SHB: variants seen among roughly 807,000 people sequenced by gnomAD.
SHB encodes the protein SH2 domain containing adaptor protein B.
In SHB, 20 loss-of-function variants were observed where a neutral mutation model predicts 52.3. That is an observed-to-expected ratio of 0.38 (90% CI 0.27 to 0.56). SHB has a LOEUF of 0.56. Among genes scored for constraint, SHB ranks in the 20% least tolerant of loss-of-function variants. SHB has a pLI of 0.71. For synonymous variants in SHB, 397 were observed against 316.5 expected, an observed-to-expected ratio of 1.25 and a Z score of -2.70; for missense variants, 825 against 723.3, an observed-to-expected ratio of 1.14 and a Z score of -1.61.
intron 5 of SHB, among the ~76,000 whole-genome samples, chr9:37,930,419 C>T (rs1832299649): frequency 6.6e-6 from 1 of 151,410 alleles, no homozygotes. Context: ...GGGGATGTGG[C>T]AGGGGGAGGG....
In SHB at chr9:38,068,601, C is replaced by T; in HGVS notation, c.45G>A (p.Lys15=). The T allele has an allele frequency of 1.3e-6, 2 of 1,494,118 alleles. No homozygotes were observed. Among genetic ancestry groups the T allele is most frequent in the African/African-American group, 1.5e-5 (1 of 68,320 alleles). 92.6% of individuals were successfully genotyped at this position (1,494,118 alleles called of 1,614,324 possible). Residue 15 remains lysine, a synonymous_variant, in exon 1 of 6, where the codon AAG becomes AAA. Transcript: ENST00000377707. ...LNKYFSLGNS[K]TKSPPQPPRP... ...GCGGCGGCTGCGGGGGGCTCTTGGT[C>T]TTGCTGTTGCCCAAGCTGAAGTACT...
intron 2 of SHB, among the ~76,000 whole-genome samples, chr9:37,996,300 C>T (rs994767241): frequency 1.3e-5 from 2 of 152,320 alleles, no homozygotes; most frequent in South Asian, 4.1e-4. Context: ...TCCTGTTTCT[C>T]GCCTGGATCA....
At chr9:37,955,827 G>A in intron 4 of SHB, 56 bp downstream of exon 4, 2 of 1,535,582 alleles carry the variant, frequency 1.3e-6, no homozygotes, top group Non-Finnish European at 1.8e-6. Flanking sequence ...ATGAAAGAGA[G>A]GGCAAAAACT....
At chr9:37,944,467 T>C (rs1328873595) in intron 5 of SHB, among the ~76,000 whole-genome samples, 2 of 152,144 alleles carry the variant, frequency 1.3e-5, no homozygotes, top group South Asian at 2.1e-4. Flanking sequence ...CAAACACTTC[T>C]AGGTCTGACG....
Position 37,975,480 on chromosome 9 carries a change from A to C in SHB, c.839-643T>G, listed in dbSNP as rs374184856. Among the ~76,000 whole-genome samples the C allele has an allele frequency of 9.8e-5, 15 of 152,334 alleles. No individual in the cohort carries two copies. In the South Asian group the frequency reaches 1.0e-3, roughly 11 times the overall value. Reference sequence around the variant, plus strand: ...TGTCCAGCTTCACTTCTGAATAAAGAAAGCAAGCTCTTGATCTTCTAGAGA... The same window carrying C: ...TGTCCAGCTTCACTTCTGAATAAAGCAAGCAAGCTCTTGATCTTCTAGAGA... On this transcript the variant is annotated intron_variant, in intron 2 of 5. Coordinates refer to ENST00000377707, the MANE Select transcript of SHB (RefSeq NM_003028.3).
At position 38,038,783 on chromosome 9, in the gene SHB, G is replaced by A. The variant is rs78491074; in HGVS notation, c.718-22652C>T. 1.3e-3 allele frequency among the ~76,000 whole-genome samples: 195 copies of A among 152,208 alleles called. 1 individual carries two copies. The East Asian group carries it at 0.033, about 26-fold the overall frequency. ...GCTGCCTGGGCATCTAGGAGGCCCC[G>A]GGGGTGGGGCAGGGAGAAACTGGGT... On this transcript the variant is annotated intron_variant, in intron 1 of 5. Transcript: ENST00000377707.
chr9:37,970,197 T>G (rs899733991), intron 3 of SHB, among the ~76,000 whole-genome samples: 7 of 152,172 alleles, frequency 4.6e-5, no homozygotes, highest in Admixed American at 2.6e-4. Flanking sequence ...GAGGCCACAG[T>G]CAGCTTCCTG....
chr9:37,940,317 C>T (rs1281803071), intron 5 of SHB, among the ~76,000 whole-genome samples: 1 of 152,194 alleles, frequency 6.6e-6, no homozygotes, highest in Non-Finnish European at 1.5e-5. Flanking sequence ...TCTAATATTC[C>T]TCACAGTGTC....
intron 2 of SHB, among the ~76,000 whole-genome samples, chr9:37,998,695 C>T (rs1587236472): frequency 6.6e-6 from 1 of 152,234 alleles, no homozygotes; most frequent in Non-Finnish European, 1.5e-5. Context: ...TCAAGCTATG[C>T]ACCCTCCTCG....
chr9:37,928,993 T>G lies in SHB; in HGVS notation c.1347-8989A>C, dbSNP rs188608831. 1.9e-3 allele frequency among the ~76,000 whole-genome samples: 283 copies of G among 152,326 alleles called. 3 individuals carry two copies. Among genetic ancestry groups the G allele is most frequent in the Non-Finnish European group, 1.1e-3 (76 of 68,014 alleles). On this transcript the variant is annotated intron_variant, in intron 5 of 5. Transcript: ENST00000377707. ...GACTTGGAGCGCACAATGGCTTTTA[T>G]AGCCCAAAGGGGGCCAGCGCCCTGG... is the stretch of plus-strand genomic sequence containing the variant.
intron 2 of SHB, among the ~76,000 whole-genome samples, chr9:37,994,162 A>G (rs1820919484): frequency 6.6e-6 from 1 of 152,234 alleles, no homozygotes. Flanking sequence ...CAACACTGCA[A>G]TGTGAGAGAG....
chr9:37,994,207 AG>A (rs1341492903), intron 2 of SHB, among the ~76,000 whole-genome samples: 1 of 152,212 alleles, frequency 6.6e-6, no homozygotes, highest in African/African-American at 2.4e-5. Context: ...ATGGACTCTC[AG>A]CTGGCCACTC....
Position 37,918,988 on chromosome 9 carries a change from GCTGGAGCTGAGGCCTCGGCCT to G in SHB, c.*812_*832del, listed in dbSNP as rs1388174427. On this transcript the variant is annotated 3_prime_UTR_variant, in exon 6 of 6. Transcript: ENST00000377707. ...GCTCTTGTGTCCAGAGCTGCTGAGGGCTGGAGCTGAGGCCTCGGCCTCCCTCCCCTCCCTGGGGCCTGCCAC... is the reference window on the plus strand; with the variant it reads ...GCTCTTGTGTCCAGAGCTGCTGAGGGCCCTCCCCTCCCTGGGGCCTGCCAC... 6.6e-6 allele frequency: 1 copy of G among 152,398 alleles called. No individual in the cohort carries two copies. Among genetic ancestry groups the G allele is most frequent in the African/African-American group, 2.4e-5 (1 of 41,452 alleles). The allele number at this position is 152,398 out of a possible 1,614,324, so 9.4% of individuals were successfully genotyped here.
intron 5 of SHB, among the ~76,000 whole-genome samples, chr9:37,940,950 C>T (rs1388383328): frequency 6.6e-6 from 1 of 152,158 alleles, no homozygotes; most frequent in African/African-American, 2.4e-5. Context: ...TCCTGATGAG[C>T]AACTAGGAGG....
At chr9:38,009,157 T>G (rs887372017) in intron 2 of SHB, among the ~76,000 whole-genome samples, 8 of 152,060 alleles carry the variant, frequency 5.3e-5, no homozygotes, top group African/African-American at 1.9e-4. Flanking sequence ...TCCGGGAGAG[T>G]TCATTCCAGA....
intron 2 of SHB, among the ~76,000 whole-genome samples, chr9:38,004,033 C>T (rs777907633): frequency 5.3e-5 from 8 of 152,294 alleles, no homozygotes; most frequent in South Asian, 4.1e-4. Flanking sequence ...TCCATCCGGC[C>T]CATTGACTGC....
chr9:37,934,673 C>G lies in SHB; in HGVS notation c.1346+13962G>C, dbSNP rs111970189. 8.0e-3 allele frequency among the ~76,000 whole-genome samples: 1,222 copies of G among 152,324 alleles called. 17 individuals are homozygous for G. Among genetic ancestry groups the G allele is most frequent in the African/African-American group, 0.028 (1,157 of 41,574 alleles). ...TTGGAAGGTTTGGAAATGGAACATT[C>G]AAAGGTCACTGTCAGCTCTTTGTGG... On this transcript the variant is annotated intron_variant, in intron 5 of 5. Coordinates refer to ENST00000377707, the MANE Select transcript of SHB (RefSeq NM_003028.3).
chr9:38,049,990 C>T (rs1821718805), intron 1 of SHB, among the ~76,000 whole-genome samples: 1 of 152,122 alleles, frequency 6.6e-6, no homozygotes, highest in Non-Finnish European at 1.5e-5. Flanking sequence ...GAGGTTTCAC[C>T]ATGTTGGTCA....
At position 37,916,687 on chromosome 9, in the gene SHB, C is replaced by G. The variant is rs1832103627; in HGVS notation, c.*3134G>C. 6.6e-6 allele frequency among the ~76,000 whole-genome samples: 1 copy of G among 152,254 alleles called. No homozygotes were observed. Among genetic ancestry groups the G allele is most frequent in the Non-Finnish European group, 1.5e-5 (1 of 68,044 alleles). ...CTGGGAACAGCTACGCTGTGAGCCT[C>G]TCTCCAGGAGAGGGTGTCAGCCTGG... is the stretch of plus-strand genomic sequence containing the variant. On this transcript the variant is annotated 3_prime_UTR_variant, in exon 6 of 6. Coordinates refer to ENST00000377707, the MANE Select transcript of SHB (RefSeq NM_003028.3).
Sources: allele counts gnomAD v4.1 joint callset (sites outside exome capture counted in the v4.1 genomes callset), GRCh38; gene constraint gnomAD v4.1.1; transcripts MANE v1.5; gene names NCBI Gene and HGNC (gene_info 2026-07-23, HGNC 2026-07-21).